GALNT9: variants seen among roughly 807,000 people sequenced by gnomAD.
GALNT9 encodes the protein GalNAc transferase 9.
In GALNT9, 47 loss-of-function variants were observed where a neutral mutation model predicts 63.1. The observed-to-expected ratio is 0.75, with a 90% CI of 0.59 to 0.95. The LOEUF is 0.95. Among genes scored for constraint, GALNT9 ranks in the 40% least tolerant of loss-of-function variants. The pLI, the probability that GALNT9 is intolerant of heterozygous loss-of-function variation, is 0.00. For missense variants in GALNT9, 829 were observed against 874.8 expected (o/e 0.95, Z 0.66); for synonymous variants, 396 against 365.7 (o/e 1.08, Z -0.94).
At chr12:132,210,531 C>T (rs1876909900) in intron 6 of GALNT9, among the ~76,000 whole-genome samples, 2 of 152,082 alleles carry the variant, frequency 1.3e-5, no homozygotes. Context: ...GCAGGAGGTG[C>T]GCCCTGGCTG....
chr12:132,209,100 C>T (rs920128599), intron 6 of GALNT9, among the ~76,000 whole-genome samples: 4 of 151,342 alleles, frequency 2.6e-5, no homozygotes, highest in Admixed American at 6.6e-5. Flanking sequence ...CAAACCACAT[C>T]GTGAACAGGG....
chr12:132,317,203 C>T (rs1566023434), intron 1 of GALNT9, among the ~76,000 whole-genome samples: 1 of 151,068 alleles, frequency 6.6e-6, no homozygotes, highest in East Asian at 2.0e-4. Context: ...GCATCTTACA[C>T]CCCACGGCAC....
At chr12:132,213,474 T>A (rs369063326) in intron 6 of GALNT9, among the ~76,000 whole-genome samples, 1 of 44,012 alleles carries the variant, frequency 2.3e-5, no homozygotes, top group African/African-American at 8.2e-5. Flanking sequence ...ACAGGCACAC[T>A]CACACCCACA....
chr12:132,254,645 T>TA (rs1879046461), intron 5 of GALNT9, among the ~76,000 whole-genome samples: 1 of 152,356 alleles, frequency 6.6e-6, no homozygotes, highest in East Asian at 1.9e-4. Context: ...CAGACAAACT[T>TA]ACACGAAGGT....
intron 6 of GALNT9, 175 bp downstream of exon 6, chr12:132,247,709 AGACACCGCGGCCTCACTCGCCCTCAC>A (rs1878760798): frequency 1.5e-6 from 1 of 682,176 alleles, no homozygotes; most frequent in African/African-American, 2.8e-5. Context: ...CCCCGTCCCC[AGACACCGCGGCCTCACTCGCCCTCAC>A]CCCGTCCCCA....
intron 6 of GALNT9, among the ~76,000 whole-genome samples, chr12:132,220,339 C>G (rs908790684): frequency 1.2e-4 from 18 of 152,018 alleles, no homozygotes; most frequent in Admixed American, 3.9e-4. Flanking sequence ...AATTTAAACC[C>G]AAAGAGACAG....
intron 2 of GALNT9, among the ~76,000 whole-genome samples, chr12:132,264,377 T>C (rs1879521273): frequency 6.6e-6 from 1 of 152,204 alleles, no homozygotes; most frequent in South Asian, 2.1e-4. Context: ...CGAGCCGGGA[T>C]GGCCTAAGCA....
rs931247389 is a variant in GALNT9 at position 132,286,317 on chromosome 12, C to G, written c.352G>C (p.Gly118Arg). 3 of 1,551,288 alleles carry G rather than the reference C, an allele frequency of 1.9e-6. No homozygotes were observed. The South Asian group carries it at 3.6e-5, about 18-fold the overall frequency. Residue 118 changes from glycine (G) to arginine (R), a missense_variant, in exon 2 of 11, where the codon GGC (glycine) becomes CGC (arginine). Coordinates refer to ENST00000328957, the MANE Select transcript of GALNT9 (RefSeq NM_001122636.2). The surrounding 1 kb of genome is among the most constrained non-coding windows in gnomAD (Gnocchi z 7.4). ...CGGTCGCTGAGCTGAGCGTTGTAGC[C>G]GTACTCCTCATACTTGCCTTCCGCC... ...QEAEGKYEEY[G>R]YNAQLSDRIS...
At chr12:132,314,844 G>A (rs370956563) in intron 1 of GALNT9, among the ~76,000 whole-genome samples, 19 of 152,354 alleles carry the variant, frequency 1.2e-4, no homozygotes, top group African/African-American at 4.3e-4. Context: ...TGGGCAGAGC[G>A]GAACTAGCTT....
chr12:132,257,666 C>A, intron 5 of GALNT9, 23 bp downstream of exon 5: 1 of 1,534,072 alleles, frequency 6.5e-7, no homozygotes, highest in Non-Finnish European at 8.8e-7. Context: ...GGGCCGCCCT[C>A]GACCCCTGAG....
intron 1 of GALNT9, among the ~76,000 whole-genome samples, chr12:132,313,153 TCAC>T (rs1881874277): frequency 3.1e-5 from 1 of 32,158 alleles, no homozygotes; most frequent in African/African-American, 1.3e-4. Flanking sequence ...ACCTACCCAC[TCAC>T]CCACCCATCC....
At chr12:132,205,249 C>T (rs1278715478) in intron 6 of GALNT9, 1 of 152,202 alleles carries the variant, frequency 6.6e-6, no homozygotes, top group Non-Finnish European at 1.5e-5. Flanking sequence ...CCCCAGAGGC[C>T]CAGTCCCTTG....
intron 8 of GALNT9, among the ~76,000 whole-genome samples, chr12:132,200,181 G>A (rs1001994052): frequency 5.9e-5 from 9 of 152,352 alleles, no homozygotes; most frequent in Non-Finnish European, 1.3e-4. Flanking sequence ...CAGGAGGGGA[G>A]GCTCAGCGAG....
chr12:132,248,509 G>A (rs1555238271), intron 5 of GALNT9, among the ~76,000 whole-genome samples: 1 of 152,172 alleles, frequency 6.6e-6, no homozygotes, highest in East Asian at 1.9e-4. Context: ...TACCTAAGGA[G>A]CTCTGTGGTT....
intron 2 of GALNT9, among the ~76,000 whole-genome samples, chr12:132,269,828 C>T (rs1879801973): frequency 6.6e-6 from 1 of 152,240 alleles, no homozygotes; most frequent in South Asian, 2.1e-4. Context: ...CTATGCAGGC[C>T]TGGCCTTTGC....
chr12:132,247,130 G>C (rs185441726), intron 6 of GALNT9, among the ~76,000 whole-genome samples: 3 of 151,158 alleles, frequency 2.0e-5, no homozygotes, highest in Non-Finnish European at 4.4e-5. Context: ...AAGCCCGGCC[G>C]AGCTCAGAGC....
chr12:132,278,168 C>T (rs782302616), intron 2 of GALNT9: 9 of 152,218 alleles, frequency 5.9e-5, no homozygotes, highest in East Asian at 3.9e-4. Flanking sequence ...GGGTTAAAGC[C>T]GTCCAGGGCT....
intron 5 of GALNT9, among the ~76,000 whole-genome samples, chr12:132,250,697 A>C (rs1878879819): frequency 6.6e-6 from 1 of 152,250 alleles, no homozygotes; most frequent in Non-Finnish European, 1.5e-5. Flanking sequence ...AGGCTGAGGC[A>C]GGAGAATCAC....
rs370921823 is a variant in GALNT9 at position 132,303,806 on chromosome 12, C to G, written c.239-17376G>C. Among the ~76,000 whole-genome samples, 10 of 44,714 alleles carry G rather than the reference C, an allele frequency of 2.2e-4. 1 individual carries two copies. Among genetic ancestry groups the G allele is most frequent in the South Asian group, 3.1e-3 (2 of 644 alleles). 29.3% of individuals were successfully genotyped at this position (44,714 alleles called of 152,430 possible). ...CCGGGCACACCCTCACCCAGACACA[C>G]CCTCACCCGGGCACACCCTCACCGG... On this transcript the variant is annotated intron_variant, in intron 1 of 10. Coordinates refer to ENST00000328957, the MANE Select transcript of GALNT9 (RefSeq NM_001122636.2).
Sources: allele counts gnomAD v4.1 joint callset (sites outside exome capture counted in the v4.1 genomes callset), GRCh38; gene constraint gnomAD v4.1.1; non-coding constraint Gnocchi (gnomAD v3.1); transcripts MANE v1.5; gene names NCBI Gene and HGNC (gene_info 2026-07-23, HGNC 2026-07-21).